The following AP4M1 variants were observed in gnomAD, a reference collection of about 807,000 sequenced individuals.
The protein encoded by AP4M1 is AP-4 complex subunit mu-1.
In AP4M1, 58 loss-of-function variants were observed where a neutral mutation model predicts 62.4. That is an observed-to-expected ratio of 0.93 (90% CI 0.75 to 1.16). AP4M1 has a LOEUF of 1.16. AP4M1 is among the 50% of genes most tolerant of loss of function. AP4M1 has a pLI of 0.00. For synonymous variants in AP4M1, 290 were observed against 239.7 expected (o/e 1.21, Z -1.94); for missense variants, 626 against 585.4 (o/e 1.07, Z -0.72).
intron 2 of AP4M1, chr7:100,102,252 G>C (rs1796106356): frequency 3.5e-6 from 2 of 577,752 alleles, no homozygotes; most frequent in Admixed American, 2.8e-5. Context: ...ATAGCTGGGC[G>C]TGGTGGCGGG....
rs1459442725 is a variant in AP4M1 at position 100,102,747 on chromosome 7, GT to G, written c.223del (p.Ser75LeufsTer6). ...LYLVVTTSEN[V>X]SPFSLLELLS... ...TTTGGTGGTCACAACTTCAGAAAACGTTTCTCCCTTCAGCCTCCTAGAACTG... is the reference window on the plus strand; with the variant it reads ...TTTGGTGGTCACAACTTCAGAAAACGTTCTCCCTTCAGCCTCCTAGAACTG... On this transcript the variant is annotated frameshift_variant, in exon 3 of 15. Transcript: ENST00000359593. LOFTEE classifies it high-confidence loss of function. 1 of 1,614,040 alleles carries G rather than the reference GT, an allele frequency of 6.2e-7. No individual in the cohort carries two copies. The highest frequency in any genetic ancestry group is 8.5e-7 in the Non-Finnish European group (1 of 1,180,046).
In AP4M1 at chr7:100,106,735, C is replaced by T; in HGVS notation, c.1215C>T (p.Ala405=). 6.2e-7 allele frequency: 1 copy of T among 1,614,034 alleles called. No homozygotes were observed. Residue 405 remains alanine (A), a synonymous_variant, in exon 15 of 15, where the codon GCC becomes GCT. Coordinates refer to ENST00000359593, the MANE Select transcript of AP4M1 (RefSeq NM_004722.4). ...CCTCTCCTCTGGGGCTGGGCCCTGC[C>T]AGTCTCTCCTTCGAGCTTCCCCGGC... The part of the protein sequence containing the change: ...TSASPLGLGP[A]SLSFELPRHT...
chr7:100,103,984 C>T, intron 6 of AP4M1, 108 bp from the exon 7 acceptor site: 3 of 994,874 alleles, frequency 3.0e-6, no homozygotes, highest in South Asian at 1.3e-5. Context: ...CACCCATGTC[C>T]TCACCCTAGA....
chr7:100,104,000 A>G, intron 6 of AP4M1, 92 bp from the exon 7 acceptor site: 1 of 1,152,804 alleles, frequency 8.7e-7, no homozygotes, highest in Non-Finnish European at 1.3e-6. Context: ...CTAGAGCTGT[A>G]GCTTTGACTG....
chr7:100,102,487 G>C, intron 2 of AP4M1, 188 bp from the exon 3 acceptor site: 3 of 646,932 alleles, frequency 4.6e-6, no homozygotes, highest in Non-Finnish European at 8.4e-6. Context: ...TCAGCAACTC[G>C]GGGTAGTTAG....
rs189536527 is a variant in AP4M1, at chr7:100,106,905, C to T, written c.*23C>T. 2.0e-3 allele frequency: 3,233 copies of T among 1,605,250 alleles called. 10 individuals carry two copies. Among genetic ancestry groups the T allele is most frequent in the Non-Finnish European group, 2.2e-3 (2,650 of 1,177,786 alleles). On this transcript the variant is annotated 3_prime_UTR_variant, in exon 15 of 15. Transcript: ENST00000359593. ...TGAGGCTCCCCAAACGAGGACACGA[C>T]GGCCAAGGTGGCAGTTTGTCCCACG...
At chr7:100,102,259 C>CG in intron 2 of AP4M1, 1 of 568,530 alleles carries the variant, frequency 1.8e-6, no homozygotes, top group Non-Finnish European at 3.1e-6. Flanking sequence ...GGCGTGGTGG[C>CG]GGGCGCCTGT....
At chr7:100,103,140 T>C (rs1796196908) in intron 4 of AP4M1, 180 bp downstream of exon 4, 3 of 666,240 alleles carry the variant, frequency 4.5e-6, no homozygotes, top group Non-Finnish European at 5.2e-6. Flanking sequence ...GGTGCAGTTA[T>C]AGCTCACTGC....
chr7:100,107,137 T>C lies in AP4M1; in HGVS notation c.*255T>C, dbSNP rs544623070. ...TACAATATCTAAAAAGAAAGTGACA[T>C]GAAGGAAGCAATCTACAACTTCCTT... On this transcript the variant is annotated 3_prime_UTR_variant, in exon 15 of 15. Coordinates refer to ENST00000359593, the MANE Select transcript of AP4M1 (RefSeq NM_004722.4). 6.2e-6 allele frequency: 9 copies of C among 1,440,908 alleles called. No individual in the cohort carries two copies. The highest frequency in any genetic ancestry group is 5.6e-5 in the South Asian group (4 of 71,764). 89.3% of individuals were successfully genotyped at this position (1,440,908 alleles called of 1,614,324 possible).
At chr7:100,103,775 C>T (rs1796247178) in intron 6 of AP4M1, 83 bp downstream of exon 6, 2 of 1,468,506 alleles carry the variant, frequency 1.4e-6, no homozygotes, top group Non-Finnish European at 1.9e-6. Context: ...GGCACAGCGG[C>T]TCACGCCTGT....
chr7:100,101,573 C>A, upstream of AP4M1: 1 of 935,708 alleles, frequency 1.1e-6, no homozygotes, highest in East Asian at 2.5e-5. Flanking sequence ...GTGCAGGCGC[C>A]GGGTTTCCCG....
chr7:100,108,090 G>A lies in AP4M1; in HGVS notation c.*1208G>A. 1 of 1,609,708 alleles carries A rather than the reference G, an allele frequency of 6.2e-7. No homozygotes were observed. ...AAGCCAGGGGTGCGAGGGCCAGGCT[G>A]TGGGGCCTGCGAGAGGGTCAGCGTG... On this transcript the variant is annotated 3_prime_UTR_variant, in exon 15 of 15. Transcript: ENST00000359593.
Position 100,103,424 on chromosome 7 carries a change from C to G in AP4M1, c.367C>G (p.Gln123Glu). The change falls in exon 5 of 15, where the codon CAG becomes GAG. Residue 123 changes from glutamine to glutamate, a missense_variant. Coordinates refer to ENST00000359593, the MANE Select transcript of AP4M1 (RefSeq NM_004722.4). Reference protein sequence around the residue: ...LDEVLDYGYVQTTSTEMLRNF... With the variant: ...LDEVLDYGYVETTSTEMLRNF... Reference sequence around the variant, plus strand: ...TTACCACTAGGACTATGGCTATGTACAGACCACATCCACGGAGATGCTGAG... The same window carrying G: ...TTACCACTAGGACTATGGCTATGTAGAGACCACATCCACGGAGATGCTGAG... 2 of 1,614,048 alleles carry G rather than the reference C, an allele frequency of 1.2e-6. No individual in the cohort carries two copies. Among genetic ancestry groups the G allele is most frequent in the Non-Finnish European group, 1.7e-6 (2 of 1,179,956 alleles).
At chr7:100,103,760 G>A (rs571281290) in intron 6 of AP4M1, 68 bp downstream of exon 6, 1 of 1,553,464 alleles carries the variant, frequency 6.4e-7, no homozygotes, top group African/African-American at 1.4e-5. Flanking sequence ...CAAGATCTTA[G>A]GTCGGGCACA....
intron 7 of AP4M1, 71 bp downstream of exon 7, chr7:100,104,225 C>T (rs1221515140): frequency 2.5e-5 from 34 of 1,354,004 alleles, no homozygotes; most frequent in Non-Finnish European, 3.5e-5. Context: ...GTGGCTAAGA[C>T]TCCCAGCAAC....
At chr7:100,101,081 A>G (rs1584501922), upstream of AP4M1, 1 of 750,092 alleles carries the variant, frequency 1.3e-6, no homozygotes, top group East Asian at 2.7e-5. Flanking sequence ...TTCAACATCG[A>G]TGGCCCCCCG....
chr7:100,101,597 C>A (rs1376152257), upstream of AP4M1: 1 of 1,128,668 alleles, frequency 8.9e-7, no homozygotes, highest in Non-Finnish European at 1.3e-6. Context: ...TCCGAGCTGG[C>A]GCGGGCGGAG....
chr7:100,102,048 A>T (rs1203353535), intron 2 of AP4M1, 80 bp downstream of exon 2: 3 of 1,488,074 alleles, frequency 2.0e-6, no homozygotes, highest in African/African-American at 2.8e-5. Context: ...GGACTGGTTC[A>T]TTGGTAGATT....
rs1026112326 is a variant in AP4M1, at chr7:100,105,507, C to T, written c.897C>T (p.Phe299=). 9 of 1,613,780 alleles carry T rather than the reference C, an allele frequency of 5.6e-6. No individual in the cohort carries two copies. The highest frequency in any genetic ancestry group is 6.8e-6 in the Non-Finnish European group (8 of 1,180,034). The change falls in exon 11 of 15, where the codon TTC becomes TTT. Residue 299 remains phenylalanine, a synonymous_variant. Transcript: ENST00000359593. The stretch of plus-strand genomic sequence containing the variant: ...CCTCACCGCTCCCCTTCCGGCTCTT[C>T]CCCTCTGTGCAGTGGGACCGAGGCT... ...DLPSPLPFRL[F]PSVQWDRGSG... is the part of the protein sequence containing the mutation.
Sources: allele counts gnomAD v4.1 joint callset, GRCh38; gene constraint gnomAD v4.1.1; transcripts MANE v1.5; gene names NCBI Gene and HGNC (gene_info 2026-07-23, HGNC 2026-07-21).